LTBP1: variants seen among roughly 807,000 people sequenced by gnomAD.
The protein encoded by LTBP1 is latent transforming growth factor beta binding protein 1.
LTBP1 carries 129 observed loss-of-function variants against 207.6 expected under a neutral mutation model. That is an observed-to-expected ratio of 0.62 (90% confidence interval 0.54 to 0.72). The LOEUF is 0.72. LTBP1 is among the 30% of genes least tolerant of loss of function. The pLI is 0.00. For missense variants in LTBP1, 2,281 were observed against 2,217.2 expected (o/e 1.03, Z -0.58); for synonymous variants, 963 against 833.7 (o/e 1.16, Z -2.67).
At chr2:33,078,862 C>CTTTTTTTTTTTTTTTTTTTTT (rs34843933) in intron 3 of LTBP1, among the ~76,000 whole-genome samples, 15 of 106,884 alleles carry the variant, frequency 1.4e-4, no homozygotes, top group South Asian at 3.6e-4. Context: ...CTTTTCTTTT[C>CTTTTTTTTTTTTTTTTTTTTT]TTTTTTTTTT....
intron 32 of LTBP1, among the ~76,000 whole-genome samples, chr2:33,391,271 A>G (rs2150627533): frequency 8.9e-6 from 1 of 112,670 alleles, no homozygotes; most frequent in South Asian, 3.4e-4. Context: ...TAGGGTAACC[A>G]CTATCCTGAC....
At chr2:33,125,220 G>T (rs1035632199) in intron 4 of LTBP1, among the ~76,000 whole-genome samples, 1 of 152,210 alleles carries the variant, frequency 6.6e-6, no homozygotes, top group African/African-American at 2.4e-5. Context: ...ACAAGGGCTT[G>T]CATTAAAATC....
At chr2:33,041,704 A>G (rs1356868225) in intron 3 of LTBP1, among the ~76,000 whole-genome samples, 2 of 152,208 alleles carry the variant, frequency 1.3e-5, no homozygotes, top group Non-Finnish European at 2.9e-5. Flanking sequence ...CAACCTTTGT[A>G]TTAGGGCATA....
intron 5 of LTBP1, among the ~76,000 whole-genome samples, chr2:33,185,845 T>C (rs916008527): frequency 6.6e-6 from 1 of 152,154 alleles, no homozygotes; most frequent in Admixed American, 6.5e-5. Context: ...AGTTTAGTTA[T>C]GGAGGAGACG....
intron 2 of LTBP1, among the ~76,000 whole-genome samples, chr2:32,949,532 A>T (rs1676791245): frequency 6.6e-6 from 1 of 152,204 alleles, no homozygotes; most frequent in South Asian, 2.1e-4. Flanking sequence ...GTGTTTTTTA[A>T]AAAATGTGTT....
At chr2:33,136,888 C>T (rs1432479710) in intron 5 of LTBP1, among the ~76,000 whole-genome samples, 1 of 152,152 alleles carries the variant, frequency 6.6e-6, no homozygotes, top group Admixed American at 6.5e-5. Context: ...AAGCAGAACT[C>T]CACTCTCCAT....
intron 26 of LTBP1, among the ~76,000 whole-genome samples, chr2:33,350,192 T>C (rs2094761137): frequency 1.3e-5 from 2 of 152,198 alleles, no homozygotes; most frequent in Admixed American, 1.3e-4. Flanking sequence ...TGAAAAGTAC[T>C]TAGGAAGGGA....
intron 4 of LTBP1, among the ~76,000 whole-genome samples, chr2:33,127,729 G>A (rs974340475): frequency 7.2e-5 from 11 of 152,202 alleles, no homozygotes; most frequent in Admixed American, 2.6e-4. Context: ...AAGAGACAAT[G>A]GAGGGTTGAA....
chr2:33,191,296 A>T (rs1005523435), intron 7 of LTBP1, among the ~76,000 whole-genome samples: 1 of 152,182 alleles, frequency 6.6e-6, no homozygotes, highest in Non-Finnish European at 1.5e-5. Context: ...TGAATTGGCT[A>T]ATTGATGGAG....
intron 3 of LTBP1, among the ~76,000 whole-genome samples, chr2:33,103,181 C>T (rs2079838727): frequency 6.6e-6 from 1 of 151,988 alleles, no homozygotes; most frequent in Non-Finnish European, 1.5e-5. Context: ...AGTCTGTATG[C>T]TGTATGCACT....
chr2:33,216,820 A>T (rs1009882608), intron 7 of LTBP1, among the ~76,000 whole-genome samples: 5 of 152,128 alleles, frequency 3.3e-5, no homozygotes, highest in African/African-American at 1.2e-4. Context: ...CCTGCCTCTC[A>T]GCTTTTTCTC....
chr2:33,055,126 C>T (rs1000103190), intron 3 of LTBP1, among the ~76,000 whole-genome samples: 1 of 152,150 alleles, frequency 6.6e-6, no homozygotes, highest in African/African-American at 2.4e-5. Flanking sequence ...GCCTGTTCCT[C>T]TTGGTCCTTA....
intron 15 of LTBP1, among the ~76,000 whole-genome samples, chr2:33,268,923 A>G (rs972882869): frequency 6.6e-6 from 1 of 152,212 alleles, no homozygotes; most frequent in African/African-American, 2.4e-5. Flanking sequence ...CATGGCCCAG[A>G]CATTTAAAAA....
chr2:33,356,603 C>T (rs759783815), intron 26 of LTBP1, among the ~76,000 whole-genome samples: 8 of 152,032 alleles, frequency 5.3e-5, no homozygotes, highest in Non-Finnish European at 1.2e-4. Context: ...GGTGTGAACC[C>T]GGATCCACTG....
rs71409603 is a variant in LTBP1, at chr2:33,138,848, CTTTTTTTTTTTTTT to C, written c.1201+3903_1201+3916del. Among the ~76,000 whole-genome samples the C allele has an allele frequency of 9.0e-5, 7 of 77,670 alleles. 1 individual carries two copies. Among genetic ancestry groups the C allele is most frequent in the Admixed American group, 1.6e-4 (1 of 6,142 alleles). The allele number at this position is 77,670 out of a possible 152,430, so 51.0% of individuals were successfully genotyped here. ...TTGGACCATTTAAAAAGTATGTTCT[CTTTTTTTTTTTTTT>C]TTTTTTTTTTTTTTGAGACGGAGTC... On this transcript the variant is annotated intron_variant, in intron 5 of 33. Transcript: ENST00000404816.
chr2:32,958,256 G>A (rs1201959001), intron 2 of LTBP1, among the ~76,000 whole-genome samples: 1 of 152,120 alleles, frequency 6.6e-6, no homozygotes, highest in Non-Finnish European at 1.5e-5. Flanking sequence ...GCTTGCTACG[G>A]GGCTGCATTA....
intron 3 of LTBP1, among the ~76,000 whole-genome samples, chr2:33,036,806 CT>C (rs1442268502): frequency 3.3e-5 from 5 of 152,008 alleles, no homozygotes. Flanking sequence ...GTTTAAAAAG[CT>C]TTTTTAGCAT....
chr2:33,288,046 G>T (rs1357444447), intron 19 of LTBP1, among the ~76,000 whole-genome samples: 1 of 152,182 alleles, frequency 6.6e-6, no homozygotes, highest in Non-Finnish European at 1.5e-5. Flanking sequence ...TAGCTGTAGT[G>T]CTAGAATAAG....
chr2:33,159,415 A>G (rs1175235999), intron 5 of LTBP1, among the ~76,000 whole-genome samples: 3 of 152,196 alleles, frequency 2.0e-5, no homozygotes, highest in Non-Finnish European at 4.4e-5. Flanking sequence ...CCTGTCTAGC[A>G]CCTTTTAAAG....
Sources: allele counts gnomAD v4.1 joint callset (sites outside exome capture counted in the v4.1 genomes callset), GRCh38; gene constraint gnomAD v4.1.1; transcripts MANE v1.5; gene names NCBI Gene and HGNC (gene_info 2026-07-23, HGNC 2026-07-21).